The following NGDN variants were observed in gnomAD, a reference collection of about 807,000 sequenced individuals.
NGDN encodes EIF4E-binding protein.
Under a neutral mutation model 45.2 loss-of-function variants are expected in NGDN, and 41 were observed. That is an observed-to-expected ratio of 0.91 (90% CI 0.71 to 1.18). NGDN has a LOEUF of 1.18. Among genes scored for constraint, NGDN ranks in the 50% most tolerant of loss-of-function variants. The probability of loss-of-function intolerance (pLI) is 0.00; values close to 1 mark genes in which losing one functional copy is unlikely to be tolerated. For missense variants in NGDN, 402 were observed against 399.9 expected (o/e 1.01, Z -0.05); for synonymous variants, 137 against 130.9 (o/e 1.05, Z -0.32).
At chr14:23,477,969 C>T (rs781463492) in intron 10 of NGDN, 38 bp from the exon 11 acceptor site, 1 of 1,614,036 alleles carries the variant, frequency 6.2e-7, no homozygotes, top group African/African-American at 1.3e-5. Context: ...GCTTTTCCAA[C>T]TGTCCTTTGC....
chr14:23,475,058 T>A (rs1018010433), intron 3 of NGDN, 113 bp from the exon 4 acceptor site: 55 of 1,100,426 alleles, frequency 5.0e-5, no homozygotes, highest in Non-Finnish European at 7.0e-5. Flanking sequence ...ATACCTAATA[T>A]GAACTGATTG....
chr14:23,471,062 C>A, intron 3 of NGDN, 85 bp downstream of exon 3: 2 of 896,762 alleles, frequency 2.2e-6, no homozygotes, highest in South Asian at 2.3e-5. Flanking sequence ...TCTTATATAT[C>A]CTAAGTGCTC....
In NGDN at chr14:23,470,954, G is replaced by C; in HGVS notation, c.121G>C (p.Ala41Pro). 6.4e-7 allele frequency: 1 copy of C among 1,550,878 alleles called. No homozygotes were observed. Among genetic ancestry groups the C allele is most frequent in the Non-Finnish European group, 8.7e-7 (1 of 1,154,488 alleles). The change falls in exon 3 of 11, where the codon GCT becomes CCT. Residue 41 changes from alanine to proline, a missense_variant. Transcript: ENST00000408901. Reference protein sequence around the residue: ...QVKSLTQKVQAGAYPTEKGLS... With the variant: ...QVKSLTQKVQPGAYPTEKGLS... Reference sequence around the variant, plus strand: ...GAAATCACTGACACAAAAAGTTCAAGCTGGTGCCTATCCTACAGAAAAGGT... The same window carrying C: ...GAAATCACTGACACAAAAAGTTCAACCTGGTGCCTATCCTACAGAAAAGGT...
At chr14:23,475,663 G>C in intron 5 of NGDN, 21 bp downstream of exon 5, 2 of 1,613,872 alleles carry the variant, frequency 1.2e-6, no homozygotes, top group Non-Finnish European at 1.7e-6. Flanking sequence ...AGACCATCAT[G>C]AAGTTGTGGG....
At chr14:23,478,301 A>G (rs1893951481), downstream of NGDN, 1 of 391,350 alleles carries the variant, frequency 2.6e-6, no homozygotes, top group Non-Finnish European at 4.6e-6. Context: ...TTTCTTTGAT[A>G]ATATATTTTT....
At chr14:23,472,273 A>G (rs918082602) in intron 3 of NGDN, among the ~76,000 whole-genome samples, 12 of 151,468 alleles carry the variant, frequency 7.9e-5, no homozygotes, top group Non-Finnish European at 1.2e-4. Context: ...TGGCGGATGG[A>G]TCACCTGAGG....
At chr14:23,470,763 T>G (rs1282921295) in intron 2 of NGDN, 143 bp from the exon 3 acceptor site, 9 of 531,272 alleles carry the variant, frequency 1.7e-5, no homozygotes, top group Non-Finnish European at 2.6e-5. Context: ...CTCCTATGCT[T>G]TCCGAGAAGT....
At position 23,476,126 on chromosome 14, in the gene NGDN, C is replaced by T; in HGVS notation, c.518C>T (p.Pro173Leu). Reference protein sequence around the residue: ...SVKGVSKKYVPPRLVPVHYDE... With the variant: ...SVKGVSKKYVLPRLVPVHYDE... ...AAGGGAGTGTCTAAGAAATATGTTC[C>T]TCCACGCTTGGTTCCAGTACATTAT... Residue 173 changes from proline to leucine, a missense_variant, in exon 7 of 11, where the codon CCT (proline) becomes CTT (leucine). Physicochemically the swap from Pro to Leu is moderately conservative, Grantham distance 98 (BLOSUM62 -3). Transcript: ENST00000408901. 1 of 1,614,148 alleles carries T rather than the reference C, an allele frequency of 6.2e-7. No individual in the cohort carries two copies. The highest frequency in any genetic ancestry group is 8.5e-7 in the Non-Finnish European group (1 of 1,179,982).
rs767987493 is a variant in NGDN, at chr14:23,477,509, A to G, written c.877A>G (p.Asn293Asp). 2.3e-5 allele frequency: 37 copies of G among 1,614,198 alleles called. No individual in the cohort carries two copies. The East Asian group carries it at 7.6e-4, about 33-fold the overall frequency. ...GGTVHLDEDQNPIKKRKKIPQ... is the reference protein window; with the variant it reads ...GGTVHLDEDQDPIKKRKKIPQ... ...CTTCTCCATCTGTCTCCAGGATCAGAATCCTATTAAGAAGCGGAAGAAGAT... is the reference window on the plus strand; with the variant it reads ...CTTCTCCATCTGTCTCCAGGATCAGGATCCTATTAAGAAGCGGAAGAAGAT... The change falls in exon 10 of 11, where the codon AAT becomes GAT. Residue 293 changes from asparagine (N) to aspartate (D), a missense_variant. Physicochemically the swap from Asn to Asp is conservative, Grantham distance 23. Transcript: ENST00000408901.
In NGDN at chr14:23,476,408, G is replaced by T; in HGVS notation, c.713+1G>T. Reference sequence around the variant, plus strand: ...GCCAGAGTCAGGAGGACCAACACAGGTCTGAGCCCTTGCATTAGAAATTAT... The same window carrying T: ...GCCAGAGTCAGGAGGACCAACACAGTTCTGAGCCCTTGCATTAGAAATTAT... On this transcript the variant is annotated splice_donor_variant, in intron 8 of 10. Transcript: ENST00000408901. LOFTEE classifies it high-confidence loss of function. The T allele has an allele frequency of 6.2e-7, 1 of 1,605,672 alleles. No individual in the cohort carries two copies. The highest frequency in any genetic ancestry group is 8.5e-7 in the Non-Finnish European group (1 of 1,175,680).
chr14:23,471,913 T>C (rs765500340), intron 3 of NGDN, among the ~76,000 whole-genome samples: 35 of 151,982 alleles, frequency 2.3e-4, no homozygotes, highest in Non-Finnish European at 4.6e-4. Context: ...ATGTGCATCT[T>C]AAAATTGAAA....
rs1443314175 is a variant in NGDN at position 23,475,055 on chromosome 14, A to T, written c.145-116A>T. 4 of 1,048,162 alleles carry T rather than the reference A, an allele frequency of 3.8e-6. No individual in the cohort carries two copies. The African/African-American group carries it at 4.8e-5, about 13-fold the overall frequency. 64.9% of individuals were successfully genotyped at this position (1,048,162 alleles called of 1,614,324 possible). A position where few individuals can be genotyped will look rare whatever the true frequency, so the allele number is the denominator to read the frequency against. On this transcript the variant is annotated intron_variant, in intron 3 of 10. Transcript: ENST00000408901. ...TTCTTGAGACTATTCCAGATACCTA[A>T]TATGAACTGATTGGGAAAATCTTGA...
At chr14:23,477,641 G>A (rs1893935083) in intron 10 of NGDN, 81 bp downstream of exon 10, 2 of 1,593,764 alleles carry the variant, frequency 1.3e-6, no homozygotes, top group African/African-American at 2.7e-5. Flanking sequence ...GCCATTCTGG[G>A]TCTCACCAAG....
At chr14:23,472,606 G>C (rs989860739) in intron 3 of NGDN, among the ~76,000 whole-genome samples, 1 of 152,148 alleles carries the variant, frequency 6.6e-6, no homozygotes, top group African/African-American at 2.4e-5. Flanking sequence ...AACAACTCTG[G>C]ATCTCTCATC....
At chr14:23,478,725 C>G (rs1250059385), downstream of NGDN, 1 of 49,832 alleles carries the variant, frequency 2.0e-5, no homozygotes, top group Non-Finnish European at 4.6e-5. Context: ...TTTTCAGACT[C>G]TGACCCCCAC....
At chr14:23,475,038 A>G in intron 3 of NGDN, 133 bp from the exon 4 acceptor site, 2 of 765,160 alleles carry the variant, frequency 2.6e-6, no homozygotes, top group Non-Finnish European at 3.9e-6. Context: ...ACTTCTTGAG[A>G]CTATTCCAGA....
intron 10 of NGDN, 176 bp from the exon 11 acceptor site, chr14:23,477,831 C>G: frequency 4.1e-6 from 6 of 1,479,642 alleles, no homozygotes; most frequent in Non-Finnish European, 5.4e-6. Flanking sequence ...CTTGAAGGAA[C>G]CATTATCCCA....
At chr14:23,475,086 GA>G (rs1893865462) in intron 3 of NGDN, 84 bp from the exon 4 acceptor site, 1 of 1,426,070 alleles carries the variant, frequency 7.0e-7, no homozygotes, top group East Asian at 2.3e-5. Context: ...CTTGAACTTG[GA>G]AAAACATCCC....
At chr14:23,472,341 C>G (rs1457679617) in intron 3 of NGDN, among the ~76,000 whole-genome samples, 1 of 151,256 alleles carries the variant, frequency 6.6e-6, no homozygotes. Context: ...ACTAAAAATA[C>G]AAAAATTAGC....
Sources: gnomAD v4.1 joint callset for allele counts (sites outside exome capture counted in the v4.1 genomes callset) on GRCh38, gnomAD v4.1.1 for gene constraint, MANE v1.5 for transcripts, NCBI Gene and HGNC (gene_info 2026-07-23, HGNC 2026-07-21) for gene names.